EFCAB5: variants seen among roughly 807,000 people sequenced by gnomAD.
The protein encoded by EFCAB5 is EF-hand calcium-binding domain-containing protein 5.
In EFCAB5, 131 loss-of-function variants were observed where a neutral mutation model predicts 167.9. The ratio of observed to expected loss-of-function variants is 0.78; its 90% CI spans 0.68 to 0.90. EFCAB5 has a LOEUF of 0.90. Among genes scored for constraint, EFCAB5 ranks in the 40% least tolerant of loss-of-function variants. The pLI, the probability that EFCAB5 is intolerant of heterozygous loss-of-function variation, is 0.00. For missense variants in EFCAB5, 1,663 were observed against 1,745.2 expected (o/e 0.95, Z 0.84); for synonymous variants, 574 against 602.8 (o/e 0.95, Z 0.70).
At chr17:30,094,709 CT>C (rs755754278) in intron 22 of EFCAB5, among the ~76,000 whole-genome samples, 4 of 151,860 alleles carry the variant, frequency 2.6e-5, no homozygotes, top group Non-Finnish European at 5.9e-5. Flanking sequence ...AAAGGAGATA[CT>C]TTTTTTATTC....
At chr17:29,983,001 T>C (rs2068209127) in intron 4 of EFCAB5, among the ~76,000 whole-genome samples, 1 of 152,248 alleles carries the variant, frequency 6.6e-6, no homozygotes, top group Admixed American at 6.5e-5. Flanking sequence ...TAGTTAGCTT[T>C]TGCTGCATAA....
At position 29,969,230 on chromosome 17, in the gene EFCAB5, A is replaced by G; in HGVS notation, c.630A>G (p.Pro210=). The change falls in exon 4 of 23, where the codon CCA becomes CCG. Residue 210 remains proline, a synonymous_variant. Transcript: ENST00000394835. The part of the protein sequence containing the change: ...TEADTPSKFD[P]INYLGEYLIR... ...CTGATACTCCAAGCAAGTTTGACCC[A>G]ATTAATTATTTGGGGGAATATTTAA... The G allele has an allele frequency of 6.2e-7, 1 of 1,613,898 alleles. No individual in the cohort carries two copies. The highest frequency in any genetic ancestry group is 8.5e-7 in the Non-Finnish European group (1 of 1,179,836).
chr17:29,992,160 C>A (rs1452224193), intron 4 of EFCAB5, among the ~76,000 whole-genome samples: 2 of 152,112 alleles, frequency 1.3e-5, no homozygotes, highest in African/African-American at 4.8e-5. Context: ...CCTCTGTAAC[C>A]ACCATTCTAC....
intron 19 of EFCAB5, among the ~76,000 whole-genome samples, chr17:30,089,808 C>CA (rs1209289942): frequency 6.6e-6 from 1 of 152,090 alleles, no homozygotes; most frequent in Non-Finnish European, 1.5e-5. Context: ...TGCTAGGATG[C>CA]AAAAAACCCC....
chr17:30,034,335 A>C lies in EFCAB5; in HGVS notation c.1150A>C (p.Met384Leu), dbSNP rs750450916. The change falls in exon 8 of 23, where the codon ATG becomes CTG. Residue 384 changes from methionine (M) to leucine (L), a missense_variant. Transcript: ENST00000394835. ...ATTTCGGGAGGTCATAAAAGCTGACATGCGGAGGCAGATGTTCGCTGAACT... is the reference window on the plus strand; with the variant it reads ...ATTTCGGGAGGTCATAAAAGCTGACCTGCGGAGGCAGATGTTCGCTGAACT... ...DEFREVIKAD[M>L]RRQMFAELFL... The C allele has an allele frequency of 6.2e-6, 10 of 1,612,736 alleles. No individual in the cohort carries two copies. The highest frequency in any genetic ancestry group is 7.6e-6 in the Non-Finnish European group (9 of 1,179,232).
chr17:29,939,656 T>C (rs2067273222), upstream of EFCAB5, among the ~76,000 whole-genome samples: 1 of 152,350 alleles, frequency 6.6e-6, no homozygotes, highest in Non-Finnish European at 1.5e-5. Context: ...GTTATGGAGA[T>C]GTCTTCTTTC....
At chr17:30,037,892 T>A (rs1023992320) in intron 8 of EFCAB5, among the ~76,000 whole-genome samples, 6 of 152,118 alleles carry the variant, frequency 3.9e-5, no homozygotes, top group Non-Finnish European at 8.8e-5. Flanking sequence ...TTTCCTGAGA[T>A]ACAACAATAT....
intron 7 of EFCAB5, among the ~76,000 whole-genome samples, chr17:30,005,265 C>A (rs1170107900): frequency 6.6e-6 from 1 of 152,060 alleles, no homozygotes; most frequent in Non-Finnish European, 1.5e-5. Flanking sequence ...TGCATGAGCC[C>A]AGGAGTTCAA....
intron 5 of EFCAB5, among the ~76,000 whole-genome samples, chr17:29,996,016 T>C (rs944487246): frequency 2.6e-5 from 4 of 152,242 alleles, no homozygotes; most frequent in African/African-American, 7.2e-5. Context: ...TTATCCTTTT[T>C]AGTTCTTCAA....
intron 4 of EFCAB5, among the ~76,000 whole-genome samples, chr17:29,982,009 GAT>G (rs2068185931): frequency 6.6e-6 from 1 of 152,128 alleles, no homozygotes. Flanking sequence ...TATGTAGTAA[GAT>G]ATAAATTGAA....
intron 1 of EFCAB5, among the ~76,000 whole-genome samples, chr17:29,933,645 C>A (rs146755859): frequency 2.8e-4 from 42 of 152,306 alleles, no homozygotes; most frequent in African/African-American, 9.6e-4. Flanking sequence ...CACTGGAGTC[C>A]ATTTAACCCT....
At chr17:30,057,975 G>A (rs557808956) in intron 13 of EFCAB5, 85 bp downstream of exon 13, 43 of 1,282,106 alleles carry the variant, frequency 3.4e-5, no homozygotes, top group African/African-American at 2.4e-4. Flanking sequence ...GATGTGGCTC[G>A]TGTTAAAAAA....
intron 18 of EFCAB5, 28 bp from the exon 19 acceptor site, chr17:30,087,035 C>T (rs1230132777): frequency 1.2e-6 from 2 of 1,601,488 alleles, no homozygotes; most frequent in African/African-American, 2.7e-5. Flanking sequence ...TCTAATTACT[C>T]CTAATGAAAT....
intron 7 of EFCAB5, among the ~76,000 whole-genome samples, chr17:30,008,361 G>A (rs1365481971): frequency 1.3e-5 from 2 of 152,172 alleles, no homozygotes; most frequent in African/African-American, 4.8e-5. Context: ...GGGAGGCCGA[G>A]GCAGGCAGAC....
intron 14 of EFCAB5, among the ~76,000 whole-genome samples, chr17:30,065,375 C>T (rs1292796779): frequency 6.6e-6 from 1 of 152,084 alleles, no homozygotes; most frequent in African/African-American, 2.4e-5. Flanking sequence ...AAAAACATGA[C>T]CTAACTGGCC....
At chr17:29,954,412 A>G (rs1399432983) in intron 3 of EFCAB5, among the ~76,000 whole-genome samples, 1 of 152,150 alleles carries the variant, frequency 6.6e-6, no homozygotes, top group Non-Finnish European at 1.5e-5. Flanking sequence ...AGCTGTGGCT[A>G]AAAGGGACCA....
chr17:29,993,638 C>G (rs1354765181), intron 5 of EFCAB5, among the ~76,000 whole-genome samples: 1 of 152,096 alleles, frequency 6.6e-6, no homozygotes, highest in Non-Finnish European at 1.5e-5. Flanking sequence ...TTCTGTGAGA[C>G]CTGCAAGACT....
chr17:30,095,044 C>T (rs1312928528), intron 22 of EFCAB5, among the ~76,000 whole-genome samples: 1 of 152,202 alleles, frequency 6.6e-6, no homozygotes, highest in East Asian at 1.9e-4. Flanking sequence ...GGGACCTCTG[C>T]TGCCAGCCTC....
chr17:30,105,805 G>A (rs1020852886), intron 22 of EFCAB5, among the ~76,000 whole-genome samples: 14 of 152,114 alleles, frequency 9.2e-5, no homozygotes, highest in African/African-American at 3.4e-4. Context: ...CAATGCCAGG[G>A]TGGTGTGTGT....
Sources: gnomAD v4.1 joint callset for allele counts (sites outside exome capture counted in the v4.1 genomes callset) on GRCh38, gnomAD v4.1.1 for gene constraint, MANE v1.5 for transcripts, NCBI Gene and HGNC (gene_info 2026-07-23, HGNC 2026-07-21) for gene names.